GBP1: variants seen among roughly 807,000 people sequenced by gnomAD.
The protein encoded by GBP1 is guanylate-binding protein 1.
In GBP1, 64 loss-of-function variants were observed where a neutral mutation model predicts 69.5. The observed-to-expected ratio is 0.92, with a 90% CI of 0.75 to 1.13. The LOEUF (loss-of-function observed/expected upper bound fraction) is 1.13, where lower values mean the gene tolerates loss of function less well. Ranked by LOEUF, GBP1 falls within the 50% of genes most tolerant of loss-of-function variation. GBP1 has a pLI of 0.00. For missense variants in GBP1, 630 were observed against 704.1 expected, an observed-to-expected ratio of 0.89 and a Z score of 1.19; for synonymous variants, 250 against 261.2, an observed-to-expected ratio of 0.96 and a Z score of 0.41.
rs1456807392 is a variant in GBP1 at position 89,056,197 on chromosome 1, C to T, written c.1187G>A (p.Cys396Tyr). The change falls in exon 8 of 11, where the codon TGT (cysteine) becomes TAT (tyrosine). Residue 396 changes from cysteine to tyrosine, a missense_variant. Physicochemically the swap from Cys to Tyr is radical, Grantham distance 194. Coordinates refer to ENST00000370473, the MANE Select transcript of GBP1 (RefSeq NM_002053.3). ...AQLEKKRDDF[C>Y]KQNQEASSDR... ...TGATGATGCTTCCTGATTCTGTTTA[C>T]AAAAGTCATCCCGCTTTTTTTCTAG... 1 of 1,613,798 alleles carries T rather than the reference C, an allele frequency of 6.2e-7. No individual in the cohort carries two copies. Among genetic ancestry groups the T allele is most frequent in the East Asian group, 2.2e-5 (1 of 44,896 alleles).
chr1:89,062,813 T>G (rs1341363589), intron 2 of GBP1: 22 of 524,904 alleles, frequency 4.2e-5, no homozygotes, highest in Non-Finnish European at 7.1e-5. Context: ...CTTACTCCTT[T>G]TAGGAGAGGC....
intron 2 of GBP1, among the ~76,000 whole-genome samples, chr1:89,061,787 T>C (rs1028627230): frequency 4.6e-5 from 7 of 151,604 alleles, no homozygotes; most frequent in African/African-American, 1.7e-4. Context: ...ATCTAGAAAA[T>C]ATAAAAAAAT....
At chr1:89,061,129 G>A (rs1680186363) in intron 2 of GBP1, among the ~76,000 whole-genome samples, 1 of 152,084 alleles carries the variant, frequency 6.6e-6, no homozygotes, top group South Asian at 2.1e-4. Flanking sequence ...TGATGTACAG[G>A]TTTGATATAA....
intron 7 of GBP1, among the ~76,000 whole-genome samples, chr1:89,056,450 T>C (rs921260160): frequency 9.8e-5 from 15 of 152,306 alleles, no homozygotes; most frequent in East Asian, 9.6e-4. Context: ...TTATGTCAAC[T>C]GTTAGAGGAA....
intron 8 of GBP1, chr1:89,055,565 C>G (rs1345536407): frequency 2.9e-6 from 1 of 341,826 alleles, no homozygotes; most frequent in Non-Finnish European, 5.4e-6. Context: ...CAGAGTGACT[C>G]AGATAGAGGG....
chr1:89,063,004 G>A, intron 2 of GBP1, 41 bp downstream of exon 2: 1 of 1,605,864 alleles, frequency 6.2e-7, no homozygotes, highest in Non-Finnish European at 8.5e-7. Context: ...CTGTGTAGAT[G>A]GACAGAAGGG....
chr1:89,062,489 T>C (rs151127682), intron 2 of GBP1, among the ~76,000 whole-genome samples: 7,502 of 152,232 alleles, frequency 0.049, 293 homozygotes, highest in Non-Finnish European at 0.081. Context: ...TGGCAGGCAA[T>C]GGGTTTATGT....
At chr1:89,053,766 G>A (rs1489914096) in intron 10 of GBP1, among the ~76,000 whole-genome samples, 1 of 152,222 alleles carries the variant, frequency 6.6e-6, no homozygotes, top group Non-Finnish European at 1.5e-5. Flanking sequence ...CAGAAGACAG[G>A]TAAGAAATCT....
In GBP1 at chr1:89,057,099, T is replaced by G. The variant is rs150543608; in HGVS notation, c.910A>C (p.Ile304Leu). The change falls in exon 7 of 11, where the codon ATC (isoleucine) becomes CTC (leucine). Residue 304 changes from isoleucine (I) to leucine (L), a missense_variant. Ile to Leu is a conservative substitution (Grantham distance 5). Coordinates refer to ENST00000370473, the MANE Select transcript of GBP1 (RefSeq NM_002053.3). ...ESLVLTYVNA[I>L]SSGDLPCMEN... Reference sequence around the variant, plus strand: ...ATGCACGGCAGATCCCCACTGCTGATGGCATTGACGTAGGTCAGCACCAGG... The same window carrying G: ...ATGCACGGCAGATCCCCACTGCTGAGGGCATTGACGTAGGTCAGCACCAGG... 6.2e-7 allele frequency: 1 copy of G among 1,614,280 alleles called. No homozygotes were observed. The highest frequency in any genetic ancestry group is 2.2e-5 in the East Asian group (1 of 44,886).
intron 7 of GBP1, 45 bp downstream of exon 7, chr1:89,056,809 T>C (rs751881869): frequency 2.5e-6 from 4 of 1,574,618 alleles, no homozygotes; most frequent in African/African-American, 2.7e-5. Flanking sequence ...TGTGGTACTT[T>C]AGCTTCTATG....
chr1:89,064,246 A>T lies in GBP1; in HGVS notation c.-20+914T>A, dbSNP rs1389799946. Among the ~76,000 whole-genome samples the T allele has an allele frequency of 8.1e-3, 1,116 of 137,950 alleles. 13 individuals carry two copies. The highest frequency in any genetic ancestry group is 0.025 in the African/African-American group (866 of 34,352). The allele number at this position is 137,950 out of a possible 152,430, so 90.5% of individuals were successfully genotyped here. The stretch of plus-strand genomic sequence containing the variant: ...GTGTGTGTGTGTGTGTGTGTGAGAG[A>T]GAGAGAGAGAGAGAGAGAGAGAGAG... On this transcript the variant is annotated intron_variant, in intron 1 of 10. Transcript: ENST00000370473.
At chr1:89,056,354 C>T (rs1459907282) in intron 7 of GBP1, 126 bp from the exon 8 acceptor site, 2 of 1,475,806 alleles carry the variant, frequency 1.4e-6, no homozygotes, top group Non-Finnish European at 1.9e-6. Flanking sequence ...GCCTCCTCAC[C>T]AGGACCACAC....
Position 89,057,999 on chromosome 1 carries a change from G to A in GBP1, c.867C>T (p.Asn289=), listed in dbSNP as rs757373270. Residue 289 remains asparagine (N), a synonymous_variant, in exon 6 of 11, where the codon AAC becomes AAT. Transcript: ENST00000370473. ...ACTAGGAAGGGGACTTACGAGGCCC[G>A]TTGACCTGGATGCCTCCTGAAAGAG... The part of the protein sequence containing the change: ...TKTLSGGIQV[N]GPRLESLVLT... 9.3e-6 allele frequency: 15 copies of A among 1,611,486 alleles called. No homozygotes were observed. Among genetic ancestry groups the A allele is most frequent in the African/African-American group, 1.3e-5 (1 of 74,878 alleles).
rs377037156 is a variant in GBP1, at chr1:89,057,001, T to G, written c.1008A>C (p.Glu336Asp). ...AAVQKAIAHY[E>D]QQMGQKVQLP... ...GCTGCACCTTCTGGCCCATCTGCTG[T>G]TCATAGTGGGCAATAGCCTTTTGCA... The change falls in exon 7 of 11, where the codon GAA becomes GAC. Residue 336 changes from glutamate to aspartate, a missense_variant. Physicochemically the swap from Glu to Asp is conservative, Grantham distance 45. This residue lies in a region of GBP1 where 367 missense variants were observed against 369.5 expected (regional missense o/e 0.99). Transcript: ENST00000370473. 63 of 1,614,134 alleles carry G rather than the reference T, an allele frequency of 3.9e-5. No homozygotes were observed. The highest frequency in any genetic ancestry group is 8.0e-5 in the African/African-American group (6 of 74,942).
chr1:89,058,088 G>C lies in GBP1; in HGVS notation c.778C>G (p.Pro260Ala). Residue 260 changes from proline (P) to alanine (A), a missense_variant, in exon 6 of 11, where the codon CCC becomes GCC. Transcript: ENST00000370473. Reference sequence around the variant, plus strand: ...TCTGCTACTTGTTGCACAAATTCGGGGTCCAGCTCTTCATCTTGTAGTTTC... The same window carrying C: ...TCTGCTACTTGTTGCACAAATTCGGCGTCCAGCTCTTCATCTTGTAGTTTC... ...LEKLQDEELD[P>A]EFVQQVADFC... The C allele has an allele frequency of 6.2e-7, 1 of 1,614,136 alleles. No homozygotes were observed. Among genetic ancestry groups the C allele is most frequent in the South Asian group, 1.1e-5 (1 of 91,072 alleles).
intron 8 of GBP1, chr1:89,055,664 C>A (rs1199241158): frequency 5.1e-6 from 2 of 390,408 alleles, no homozygotes; most frequent in African/African-American, 2.1e-5. Context: ...ACCCACCTGA[C>A]CTGTAAAGCC....
At chr1:89,063,403 G>T in intron 1 of GBP1, 150 bp from the exon 2 acceptor site, 1 of 681,290 alleles carries the variant, frequency 1.5e-6, no homozygotes, top group Non-Finnish European at 2.4e-6. Flanking sequence ...AGTTATGGAA[G>T]TATTGTCAAA....
chr1:89,059,535 T>TA, intron 3 of GBP1, 109 bp from the exon 4 acceptor site: 22 of 1,026,078 alleles, frequency 2.1e-5, no homozygotes, highest in Non-Finnish European at 2.6e-5. Context: ...TTTTTTCTTT[T>TA]CTTTTTTTTT....
rs759907157 is a variant in GBP1 at position 89,064,199 on chromosome 1, ATGTGTGTG to A, written c.-20+953_-19-947del. 2.9e-3 allele frequency among the ~76,000 whole-genome samples: 295 copies of A among 100,776 alleles called. 2 individuals are homozygous for A. Among genetic ancestry groups the A allele is most frequent in the African/African-American group, 9.5e-3 (252 of 26,396 alleles). 66.1% of individuals were successfully genotyped at this position (100,776 alleles called of 152,430 possible). On this transcript the variant is annotated intron_variant, in intron 1 of 10. Coordinates refer to ENST00000370473, the MANE Select transcript of GBP1 (RefSeq NM_002053.3). ...TGGAGAGGAGGATAAGGGGCTGGGA[ATGTGTGTG>A]TGTGTGTGTGTGTGTGTGTGTGTGT...
Sources: gnomAD v4.1 joint callset for allele counts (sites outside exome capture counted in the v4.1 genomes callset) on GRCh38, gnomAD v4.1.1 for gene constraint, gnomAD v4.1.1 regional missense constraint, MANE v1.5 for transcripts, NCBI Gene and HGNC (gene_info 2026-07-23, HGNC 2026-07-21) for gene names.